Variants in ADAMTS17 observed in about 807,000 individuals in gnomAD.
ADAMTS17 encodes the protein A disintegrin and metalloproteinase with thrombospondin motifs 17.
ADAMTS17 carries 113 observed loss-of-function variants against 141.5 expected under a neutral mutation model. That is an observed-to-expected ratio of 0.80 (90% CI 0.69 to 0.93). The LOEUF is 0.93. Ranked by LOEUF, ADAMTS17 falls within the 40% of genes least tolerant of loss-of-function variation. ADAMTS17 has a pLI of 0.00. For missense variants in ADAMTS17, 1,659 were observed against 1,517.9 expected (o/e 1.09, Z -1.54); for synonymous variants, 768 against 630.6 (o/e 1.22, Z -3.27).
chr15:100,272,694 T>A (rs942058394), intron 4 of ADAMTS17, among the ~76,000 whole-genome samples: 1 of 150,768 alleles, frequency 6.6e-6, no homozygotes, highest in African/African-American at 2.4e-5. Context: ...TTTCTTTTTC[T>A]TGCCTAACTG....
intron 7 of ADAMTS17, among the ~76,000 whole-genome samples, chr15:100,214,877 G>GTAAA (rs1247998523): frequency 6.6e-6 from 1 of 152,244 alleles, no homozygotes; most frequent in East Asian, 1.9e-4. Context: ...CCATGAAAGA[G>GTAAA]TAAAGCTTTG....
At chr15:100,049,046 G>C in intron 17 of ADAMTS17, 54 bp from the exon 18 acceptor site, 2 of 1,613,672 alleles carry the variant, frequency 1.2e-6, no homozygotes, top group South Asian at 2.2e-5. Context: ...CACGTGGAAA[G>C]GCTGGGCTTG....
At chr15:100,092,275 T>C (rs1233896840) in intron 15 of ADAMTS17, among the ~76,000 whole-genome samples, 1 of 152,226 alleles carries the variant, frequency 6.6e-6, no homozygotes, top group Non-Finnish European at 1.5e-5. Flanking sequence ...AACGTCAGTT[T>C]ATGTAAGCAT....
At chr15:99,983,826 A>C (rs2060529123) in intron 20 of ADAMTS17, among the ~76,000 whole-genome samples, 1 of 152,206 alleles carries the variant, frequency 6.6e-6, no homozygotes, top group Admixed American at 6.5e-5. Context: ...TGGATAGCAA[A>C]GAAAGAGACT....
intron 18 of ADAMTS17, among the ~76,000 whole-genome samples, chr15:100,005,450 C>T (rs2061019619): frequency 6.6e-6 from 1 of 152,084 alleles, no homozygotes; most frequent in Non-Finnish European, 1.5e-5. Context: ...TCCTTCTTTT[C>T]CAGCTCCACG....
chr15:100,094,557 G>A (rs2035649329), intron 15 of ADAMTS17, among the ~76,000 whole-genome samples: 1 of 152,236 alleles, frequency 6.6e-6, no homozygotes, highest in African/African-American at 2.4e-5. Context: ...ATGTGTGGTA[G>A]AACTTTCCTT....
chr15:100,257,380 G>A (rs1397575918), intron 6 of ADAMTS17, among the ~76,000 whole-genome samples: 2 of 152,226 alleles, frequency 1.3e-5, no homozygotes, highest in African/African-American at 4.8e-5. Flanking sequence ...CGTCCTTCAA[G>A]GAGATCTTCA....
chr15:100,160,630 TC>T (rs1423721912), intron 8 of ADAMTS17, among the ~76,000 whole-genome samples: 1 of 152,188 alleles, frequency 6.6e-6, no homozygotes, highest in Non-Finnish European at 1.5e-5. Context: ...AACTCCATAT[TC>T]CTCACAGGGA....
At chr15:100,193,022 C>T (rs2040976856) in intron 8 of ADAMTS17, among the ~76,000 whole-genome samples, 1 of 152,254 alleles carries the variant, frequency 6.6e-6, no homozygotes, top group Non-Finnish European at 1.5e-5. Context: ...GTCCCAAACT[C>T]ACCTTGGCAC....
At chr15:100,003,957 A>G (rs1313541672) in intron 18 of ADAMTS17, among the ~76,000 whole-genome samples, 2 of 152,258 alleles carry the variant, frequency 1.3e-5, no homozygotes, top group Admixed American at 1.3e-4. Context: ...ATGGCTGCAC[A>G]AGGTGAATGT....
intron 6 of ADAMTS17, among the ~76,000 whole-genome samples, chr15:100,257,880 C>T (rs934827962): frequency 3.3e-5 from 5 of 152,180 alleles, no homozygotes; most frequent in Non-Finnish European, 4.4e-5. Flanking sequence ...CACCCCACAC[C>T]GAAACTCTGT....
chr15:100,079,852 G>A (rs1326066205), intron 15 of ADAMTS17, among the ~76,000 whole-genome samples: 2 of 152,176 alleles, frequency 1.3e-5, no homozygotes, highest in Admixed American at 6.5e-5. Flanking sequence ...TACAGCTAAA[G>A]AGGTGTGGCA....
At position 100,033,916 on chromosome 15, in the gene ADAMTS17, C is replaced by T. The variant is rs182921566; in HGVS notation, c.2591+14941G>A. ...CCACGATCACCTCCTTCCATTTCCA[C>T]ACCACAGCCATGGCTTCAGAGCAGA... On this transcript the variant is annotated intron_variant, in intron 18 of 21. Coordinates refer to ENST00000268070, the MANE Select transcript of ADAMTS17 (RefSeq NM_139057.4). 1.8e-3 allele frequency among the ~76,000 whole-genome samples: 268 copies of T among 152,376 alleles called. 2 individuals carry two copies. The highest frequency in any genetic ancestry group is 3.3e-3 in the Non-Finnish European group (222 of 68,036).
chr15:99,990,507 T>A (rs908284486), intron 20 of ADAMTS17, among the ~76,000 whole-genome samples: 18 of 152,200 alleles, frequency 1.2e-4, no homozygotes, highest in Non-Finnish European at 2.2e-4. Context: ...CTTGGTCAGA[T>A]GTTTTGACCA....
At chr15:100,174,634 T>G (rs1351782142) in intron 8 of ADAMTS17, among the ~76,000 whole-genome samples, 5 of 152,232 alleles carry the variant, frequency 3.3e-5, no homozygotes, top group Non-Finnish European at 7.3e-5. Flanking sequence ...CTTCTTGCAG[T>G]AATCACTGCT....
In ADAMTS17 at chr15:100,203,895, C is replaced by G. The variant is rs558875530; in HGVS notation, c.1076-4472G>C. On this transcript the variant is annotated intron_variant, in intron 7 of 21. Transcript: ENST00000268070. ...CCTGGGTGACAGACCAAGACTCTGTCTCAAAAAAAAAAAAAGAAGGGGTGT... is the reference window on the plus strand; with the variant it reads ...CCTGGGTGACAGACCAAGACTCTGTGTCAAAAAAAAAAAAAGAAGGGGTGT... Among the ~76,000 whole-genome samples the G allele has an allele frequency of 2.0e-5, 3 of 148,424 alleles. No individual in the cohort carries two copies. In the East Asian group the frequency reaches 5.9e-4, roughly 29 times the overall value.
chr15:100,239,722 C>G (rs1239819956), intron 7 of ADAMTS17, among the ~76,000 whole-genome samples: 2 of 152,174 alleles, frequency 1.3e-5, no homozygotes, highest in East Asian at 1.9e-4. Flanking sequence ...CAGGGCACTT[C>G]AGAGAGAAGG....
At chr15:100,186,561 A>G (rs546766174) in intron 8 of ADAMTS17, among the ~76,000 whole-genome samples, 6 of 152,346 alleles carry the variant, frequency 3.9e-5, no homozygotes, top group African/African-American at 1.4e-4. Context: ...TCATGACTAC[A>G]GCAGTCAAAC....
chr15:100,244,804 G>A (rs1237921664), intron 7 of ADAMTS17, among the ~76,000 whole-genome samples: 1 of 152,092 alleles, frequency 6.6e-6, no homozygotes, highest in Non-Finnish European at 1.5e-5. Context: ...TGCCTCTCCT[G>A]CACCGCCGAG....
Sources: allele counts gnomAD v4.1 joint callset (sites outside exome capture counted in the v4.1 genomes callset), GRCh38; gene constraint gnomAD v4.1.1; transcripts MANE v1.5; gene names NCBI Gene and HGNC (gene_info 2026-07-23, HGNC 2026-07-21).